PHTF2: variants seen among roughly 807,000 people sequenced by gnomAD.
The protein encoded by PHTF2 is putative homeodomain transcription factor 2.
Under a neutral mutation model 101.2 loss-of-function variants are expected in PHTF2, and 60 were observed. That is an observed-to-expected ratio of 0.59 (90% CI 0.48 to 0.73). The LOEUF is 0.73. Ranked by LOEUF, PHTF2 falls within the 30% of genes least tolerant of loss-of-function variation. The pLI is 0.00. For synonymous variants in PHTF2, 311 were observed against 307.3 expected, an observed-to-expected ratio of 1.01 and a Z score of -0.13; for missense variants, 747 against 908.7, an observed-to-expected ratio of 0.82 and a Z score of 2.29.
intron 1 of PHTF2, among the ~76,000 whole-genome samples, chr7:77,814,094 C>T (rs1358570044): frequency 2.0e-5 from 3 of 152,186 alleles, no homozygotes; most frequent in Admixed American, 1.3e-4. Flanking sequence ...CTCATTTCTA[C>T]TTCATTAACT....
At chr7:77,805,227 A>G (rs1020335843) in intron 1 of PHTF2, among the ~76,000 whole-genome samples, 2 of 152,138 alleles carry the variant, frequency 1.3e-5, no homozygotes, top group African/African-American at 2.4e-5. Flanking sequence ...ACATTTTCTT[A>G]TTAATCTTTT....
At chr7:77,925,110 A>G (rs1430760937) in intron 11 of PHTF2, among the ~76,000 whole-genome samples, 2 of 152,210 alleles carry the variant, frequency 1.3e-5, no homozygotes, top group Non-Finnish European at 2.9e-5. Flanking sequence ...GAAAGGTAAC[A>G]TTTGATGAGA....
At position 77,846,910 on chromosome 7, in the gene PHTF2, C is replaced by T. The variant is rs988448696; in HGVS notation, c.45+6610C>T. On this transcript the variant is annotated intron_variant, in intron 2 of 19. Transcript: ENST00000416283. ...CTTTTGCCTCAGCCTCCCAAAGTGT[C>T]GACATTGCAGGCATGAGCCTGCAAG... Among the ~76,000 whole-genome samples, 5 of 151,946 alleles carry T rather than the reference C, an allele frequency of 3.3e-5. No individual in the cohort carries two copies. In the South Asian group the frequency reaches 1.0e-3, roughly 32 times the overall value.
chr7:77,954,630 A>G (rs1441817520), intron 19 of PHTF2, among the ~76,000 whole-genome samples: 7 of 145,078 alleles, frequency 4.8e-5, no homozygotes, highest in South Asian at 2.2e-4. Context: ...ATATATATAT[A>G]TATATATATA....
Position 77,831,909 on chromosome 7 carries a change from G to A in PHTF2, c.-35-8312G>A, listed in dbSNP as rs1345189229. Among the ~76,000 whole-genome samples, 5 of 152,284 alleles carry A rather than the reference G, an allele frequency of 3.3e-5. No individual in the cohort carries two copies. In the East Asian group the frequency reaches 7.7e-4, roughly 24 times the overall value. ...AAGTACGTGCCCTTAGTTTATGTCT[G>A]TCTGTGCAGCTCTGTGAGGAAATGG... On this transcript the variant is annotated intron_variant, in intron 1 of 19. Coordinates refer to ENST00000416283, the Ensembl canonical transcript of PHTF2.
chr7:77,896,085 A>C (rs1800850413), intron 5 of PHTF2: 2 of 152,144 alleles, frequency 1.3e-5, no homozygotes, highest in African/African-American at 4.8e-5. Context: ...CTAAAACTAG[A>C]TAGTGGTAAT....
At chr7:77,802,450 G>T (rs1307673169) in intron 1 of PHTF2, among the ~76,000 whole-genome samples, 2 of 152,130 alleles carry the variant, frequency 1.3e-5, no homozygotes, top group African/African-American at 2.4e-5. Context: ...CCTTTACCTA[G>T]CCTGTAGCCA....
At chr7:77,831,802 G>A (rs775989444) in intron 1 of PHTF2, among the ~76,000 whole-genome samples, 9 of 152,152 alleles carry the variant, frequency 5.9e-5, no homozygotes, top group Non-Finnish European at 1.2e-4. Context: ...TGTGTCATCC[G>A]TAGAGAAATG....
rs563897159 is a variant in PHTF2 at position 77,935,850 on chromosome 7, C to CT, written c.1339-1858dup. The stretch of plus-strand genomic sequence containing the variant: ...GCTTAAACTTCTTTCCTTTTAGCTT[C>CT]TTGCACTTCCTGTTTCTGGCTTTTT... On this transcript the variant is annotated intron_variant, in intron 12 of 19. Coordinates refer to ENST00000416283, the Ensembl canonical transcript of PHTF2. 3.9e-5 allele frequency among the ~76,000 whole-genome samples: 6 copies of CT among 152,296 alleles called. No homozygotes were observed. The South Asian group carries it at 1.2e-3, about 32-fold the overall frequency.
chr7:77,922,354 A>C (rs765276220), intron 10 of PHTF2, among the ~76,000 whole-genome samples: 2 of 152,246 alleles, frequency 1.3e-5, no homozygotes, highest in East Asian at 3.9e-4. Context: ...TGCTGTTTCA[A>C]ATCCTTTTCT....
At chr7:77,886,743 G>A (rs1056970621) in intron 3 of PHTF2, among the ~76,000 whole-genome samples, 2 of 152,114 alleles carry the variant, frequency 1.3e-5, no homozygotes, top group African/African-American at 4.8e-5. Flanking sequence ...GTGAGGGGCA[G>A]GGGAGGAAGT....
intron 1 of PHTF2, among the ~76,000 whole-genome samples, chr7:77,810,041 C>T (rs1322250569): frequency 6.6e-6 from 1 of 152,146 alleles, no homozygotes; most frequent in Non-Finnish European, 1.5e-5. Context: ...TTAAGCTTAT[C>T]ATTTATGTTC....
intron 9 of PHTF2, among the ~76,000 whole-genome samples, chr7:77,914,407 C>T (rs928770776): frequency 6.6e-6 from 1 of 152,124 alleles, no homozygotes; most frequent in Admixed American, 6.6e-5. Context: ...ACTCAAGAAG[C>T]TAAGAATAGG....
chr7:77,832,410 G>A (rs1181781500), intron 1 of PHTF2, among the ~76,000 whole-genome samples: 1 of 152,184 alleles, frequency 6.6e-6, no homozygotes, highest in African/African-American at 2.4e-5. Context: ...GGATCCACAA[G>A]CTGTTTGTGA....
At chr7:77,818,376 G>A (rs1317388829) in intron 1 of PHTF2, among the ~76,000 whole-genome samples, 1 of 152,096 alleles carries the variant, frequency 6.6e-6, no homozygotes, top group Non-Finnish European at 1.5e-5. Flanking sequence ...TCTTTTAATA[G>A]TTTTGTAGTT....
At chr7:77,952,706 G>A (rs1806658017) in intron 18 of PHTF2, among the ~76,000 whole-genome samples, 1 of 152,180 alleles carries the variant, frequency 6.6e-6, no homozygotes, top group African/African-American at 2.4e-5. Context: ...TCAATGAGCA[G>A]CCACAATCTC....
chr7:77,909,491 G>T (rs779216122), intron 8 of PHTF2: 1 of 152,072 alleles, frequency 6.6e-6, no homozygotes, highest in Non-Finnish European at 1.5e-5. Context: ...CTCCTGAGTA[G>T]CTGGGAATAC....
chr7:77,873,701 C>G (rs554359193), intron 3 of PHTF2, among the ~76,000 whole-genome samples: 40 of 152,234 alleles, frequency 2.6e-4, no homozygotes, highest in African/African-American at 9.1e-4. Flanking sequence ...GCTGTTCCTT[C>G]TGGCAAAAAA....
intron 7 of PHTF2, among the ~76,000 whole-genome samples, chr7:77,904,470 A>G (rs992642007): frequency 1.4e-4 from 21 of 152,208 alleles, no homozygotes; most frequent in African/African-American, 4.6e-4. Context: ...ATAACAAAAT[A>G]CCACAGATTG....
Sources: allele counts gnomAD v4.1 joint callset (sites outside exome capture counted in the v4.1 genomes callset), GRCh38; gene constraint gnomAD v4.1.1; transcripts MANE v1.5; gene names NCBI Gene and HGNC (gene_info 2026-07-23, HGNC 2026-07-21).